Variants in ANGPTL3 observed in about 807,000 individuals in gnomAD.
ANGPTL3 encodes angiopoietin like 3, also known as angiopoietin-related protein 3.
ANGPTL3 carries 51 observed loss-of-function variants against 52.7 expected under a neutral mutation model. The observed-to-expected ratio is 0.97, with a 90% CI of 0.77 to 1.22. The LOEUF is 1.22. Among genes scored for constraint, ANGPTL3 ranks in the 50% most tolerant of loss-of-function variants. ANGPTL3 has a pLI of 0.00. For synonymous variants in ANGPTL3, 185 were observed against 179.8 expected, an observed-to-expected ratio of 1.03 and a Z score of -0.23; for missense variants, 506 against 520.7, an observed-to-expected ratio of 0.97 and a Z score of 0.27.
In ANGPTL3 at chr1:62,597,868, G is replaced by C; in HGVS notation, c.302G>C (p.Arg101Thr). The change falls in exon 1 of 7, where the codon AGA becomes ACA. Residue 101 changes from arginine to threonine, a missense_variant. By Grantham distance (71) the Arg-to-Thr change is moderately conservative. Transcript: ENST00000371129. ...EIKEEEKELR[R>T]TTYKLQVKNE... ...AAAGAAGAAGAAAAGGAACTGAGAA[G>C]AACTACATATAAACTACAAGTCAAA... 9 of 1,593,972 alleles carry C rather than the reference G, an allele frequency of 5.6e-6. No individual in the cohort carries two copies. The highest frequency in any genetic ancestry group is 7.7e-6 in the Non-Finnish European group (9 of 1,172,148).
rs1650163120 is a variant in ANGPTL3, at chr1:62,601,816, AGTGGC to A, written c.770_774del (p.Ser257AsnfsTer17). On this transcript the variant is annotated frameshift_variant, in exon 4 of 7. Transcript: ENST00000371129. LOFTEE classifies it high-confidence loss of function. Reference sequence around the variant, plus strand: ...CATTTATAACAGAGGTGAACATACAAGTGGCATGTATGCCATCAGACCCAGCAACT... The same window carrying A: ...CATTTATAACAGAGGTGAACATACAAATGTATGCCATCAGACCCAGCAACT... The A allele has an allele frequency of 6.2e-7, 1 of 1,610,216 alleles. No individual in the cohort carries two copies. The highest frequency in any genetic ancestry group is 1.3e-5 in the African/African-American group (1 of 74,776).
chr1:62,604,639 G>A lies in ANGPTL3; in HGVS notation c.1205G>A (p.Trp402Ter), dbSNP rs1650688956. The A allele has an allele frequency of 1.2e-6, 2 of 1,613,084 alleles. No individual in the cohort carries two copies. Among genetic ancestry groups the A allele is most frequent in the Non-Finnish European group, 1.7e-6 (2 of 1,179,260 alleles). ...GCATATCTATCTCCTTTAGGAGGCT[G>A]GTGGTGGCATGATGAGTGTGGAGAA... ...FNCPEGYSGG[W>*]WWHDECGENN... Residue 402 changes from tryptophan to a stop codon, truncating the protein, a stop_gained, in exon 7 of 7, where the codon TGG (tryptophan) becomes TAG (stop). Coordinates refer to ENST00000371129, the MANE Select transcript of ANGPTL3 (RefSeq NM_014495.4). LOFTEE classifies it high-confidence loss of function.
In ANGPTL3 at chr1:62,604,700, A is replaced by C. The variant is rs1206728389; in HGVS notation, c.1266A>C (p.Ala422=). The change falls in exon 7 of 7, where the codon GCA becomes GCC. Residue 422 remains alanine, a synonymous_variant. Coordinates refer to ENST00000371129, the MANE Select transcript of ANGPTL3 (RefSeq NM_014495.4). ...ATGGTAAATATAACAAACCAAGAGC[A>C]AAATCTAAGCCAGAGAGGAGAAGAG... ...NLNGKYNKPR[A]KSKPERRRGL... The C allele has an allele frequency of 1.2e-6, 2 of 1,613,262 alleles. No individual in the cohort carries two copies. Among genetic ancestry groups the C allele is most frequent in the African/African-American group, 2.7e-5 (2 of 74,902 alleles).
intron 5 of ANGPTL3, among the ~76,000 whole-genome samples, chr1:62,602,759 G>A (rs1476056258): frequency 1.3e-5 from 2 of 151,288 alleles, no homozygotes; most frequent in African/African-American, 4.8e-5. Context: ...TCTCATTAAC[G>A]TTTTACATAT....
chr1:62,604,988 T>A lies in ANGPTL3; in HGVS notation c.*171T>A. 1.6e-6 allele frequency: 1 copy of A among 643,866 alleles called. No individual in the cohort carries two copies. Among genetic ancestry groups the A allele is most frequent in the Non-Finnish European group, 2.6e-6 (1 of 382,320 alleles). The allele number at this position is 643,866 out of a possible 1,614,324, so 39.9% of individuals were successfully genotyped here. On this transcript the variant is annotated 3_prime_UTR_variant, in exon 7 of 7. Coordinates refer to ENST00000371129, the MANE Select transcript of ANGPTL3 (RefSeq NM_014495.4). ...CATACAATCACATAACCTTAAAGAA[T>A]ACCGTTTACATTTCTCAATCAAAAT...
chr1:62,602,465 AAGT>A, intron 5 of ANGPTL3, 85 bp downstream of exon 5: 1 of 1,198,628 alleles, frequency 8.3e-7, no homozygotes, highest in East Asian at 2.3e-5. Context: ...GTATTAGGAA[AAGT>A]AGTAACGAAC....
chr1:62,600,581 G>T (rs1286787455), intron 2 of ANGPTL3, among the ~76,000 whole-genome samples: 1 of 151,506 alleles, frequency 6.6e-6, no homozygotes, highest in Non-Finnish European at 1.5e-5. Context: ...TATATAGAAA[G>T]TAAGCAAACA....
At position 62,598,724 on chromosome 1, in the gene ANGPTL3, T is replaced by C. The variant is rs201752007; in HGVS notation, c.524T>C (p.Ile175Thr). The change falls in exon 2 of 7, where the codon ATC becomes ACC. Residue 175 changes from isoleucine (I) to threonine (T), a missense_variant. Transcript: ENST00000371129. ...KTFVEKQDNS[I>T]KDLLQTVEDQ... Reference sequence around the variant, plus strand: ...TTTGTAGAAAAACAAGATAATAGCATCAAAGACCTTCTCCAGACCGTGGAA... The same window carrying C: ...TTTGTAGAAAAACAAGATAATAGCACCAAAGACCTTCTCCAGACCGTGGAA... The C allele has an allele frequency of 1.3e-5, 21 of 1,610,708 alleles. No homozygotes were observed. The highest frequency in any genetic ancestry group is 1.7e-5 in the Non-Finnish European group (20 of 1,177,482).
rs1193902104 is a variant in ANGPTL3, at chr1:62,603,374, G to A, written c.932-595G>A. 4.6e-5 allele frequency among the ~76,000 whole-genome samples: 7 copies of A among 151,708 alleles called. No individual in the cohort carries two copies. The East Asian group carries it at 1.4e-3, about 29-fold the overall frequency. On this transcript the variant is annotated intron_variant, in intron 5 of 6. Transcript: ENST00000371129. Reference sequence around the variant, plus strand: ...GATGAAGAACAATCTATTTATATTTGTTATTTGTTTTTAATTCCAATAAAA... The same window carrying A: ...GATGAAGAACAATCTATTTATATTTATTATTTGTTTTTAATTCCAATAAAA...
At position 62,604,770 on chromosome 1, in the gene ANGPTL3, T is replaced by C. The variant is rs771131159; in HGVS notation, c.1336T>C (p.Ser446Pro). The C allele has an allele frequency of 1.2e-5, 19 of 1,612,838 alleles. No homozygotes were observed. Among genetic ancestry groups the C allele is most frequent in the Non-Finnish European group, 1.4e-5 (17 of 1,179,256 alleles). ...AAATGGAAGGTTATACTCTATAAAA[T>C]CAACCAAAATGTTGATCCATCCAAC... ...SQNGRLYSIK[S>P]TKMLIHPTDS... Residue 446 changes from serine to proline, a missense_variant, in exon 7 of 7, where the codon TCA becomes CCA. Coordinates refer to ENST00000371129, the MANE Select transcript of ANGPTL3 (RefSeq NM_014495.4).
intron 2 of ANGPTL3, among the ~76,000 whole-genome samples, chr1:62,600,362 C>A (rs1050023792): frequency 4.0e-5 from 6 of 151,692 alleles, no homozygotes; most frequent in South Asian, 4.1e-4. Flanking sequence ...TAATACCCAG[C>A]AAGCAAACTT....
chr1:62,597,731 TG>T lies in ANGPTL3; in HGVS notation c.167del (p.Gly56ValfsTer44). The T allele has an allele frequency of 1.2e-6, 2 of 1,613,618 alleles. No homozygotes were observed. Among genetic ancestry groups the T allele is most frequent in the Non-Finnish European group, 1.7e-6 (2 of 1,179,730 alleles). The part of the protein sequence containing the change: ...LANGLLQLGH[G>X]LKDFVHKTKG... ...CCAATGGCCTCCTTCAGTTGGGACA[TG>T]GTCTTAAAGACTTTGTCCATAAGAC... On this transcript the variant is annotated frameshift_variant, in exon 1 of 7. Transcript: ENST00000371129. LOFTEE classifies it high-confidence loss of function.
At chr1:62,604,457 GATTA>G in intron 6 of ANGPTL3, 172 bp from the exon 7 acceptor site, 1 of 897,318 alleles carries the variant, frequency 1.1e-6, no homozygotes, top group East Asian at 2.6e-5. Flanking sequence ...GTAGTGTATA[GATTA>G]TTTATACAGA....
Position 62,604,113 on chromosome 1 carries a change from C to T in ANGPTL3, c.1076C>T (p.Thr359Met), listed in dbSNP as rs201014770. ...TTGGGAAATCACGAAACCAACTATA[C>T]GCTACATCTAGTTGCGATTACTGGC... ...FYLGNHETNY[T>M]LHLVAITGNV... The change falls in exon 6 of 7, where the codon ACG becomes ATG. Residue 359 changes from threonine (T) to methionine (M), a missense_variant. Physicochemically the swap from Thr to Met is moderately conservative, Grantham distance 81. Transcript: ENST00000371129. The T allele has an allele frequency of 2.9e-5, 46 of 1,613,274 alleles. No homozygotes were observed. The East Asian group carries it at 7.1e-4, about 25-fold the overall frequency.
chr1:62,604,723 G>C lies in ANGPTL3; in HGVS notation c.1289G>C (p.Arg430Thr), dbSNP rs1477295517. The part of the protein sequence containing the change: ...PRAKSKPERR[R>T]GLSWKSQNGR... The stretch of plus-strand genomic sequence containing the variant: ...GCAAAATCTAAGCCAGAGAGGAGAA[G>C]AGGATTATCTTGGAAGTCTCAAAAT... Residue 430 changes from arginine (R) to threonine (T), a missense_variant, in exon 7 of 7, where the codon AGA (arginine) becomes ACA (threonine). Arg to Thr is a moderately conservative substitution (Grantham distance 71). Transcript: ENST00000371129. 6.2e-7 allele frequency: 1 copy of C among 1,613,200 alleles called. No individual in the cohort carries two copies. Among genetic ancestry groups the C allele is most frequent in the Non-Finnish European group, 8.5e-7 (1 of 1,179,396 alleles).
Position 62,597,937 on chromosome 1 carries a change from T to A in ANGPTL3, c.371T>A (p.Leu124His), listed in dbSNP as rs777106117. 1.3e-6 allele frequency: 2 copies of A among 1,549,976 alleles called. No homozygotes were observed. Among genetic ancestry groups the A allele is most frequent in the Non-Finnish European group, 1.7e-6 (2 of 1,156,254 alleles). Residue 124 changes from leucine to histidine, a missense_variant, in exon 1 of 7, where the codon CTT (leucine) becomes CAT (histidine). By Grantham distance (99) the Leu-to-His change is moderately conservative. Transcript: ENST00000371129. ...ATGTCACTTGAACTCAACTCAAAAC[T>A]TGAAAGCCTCCTAGAAGAAAAAATT... is the stretch of plus-strand genomic sequence containing the variant. Reference protein sequence around the residue: ...KNMSLELNSKLESLLEEKILL... With the variant: ...KNMSLELNSKHESLLEEKILL...
intron 4 of ANGPTL3, 66 bp from the exon 5 acceptor site, chr1:62,602,219 A>C: frequency 7.8e-7 from 1 of 1,286,388 alleles, no homozygotes. Flanking sequence ...AACAAACAAA[A>C]AAGTGTTATT....
At chr1:62,600,974 A>G (rs1650028927) in intron 2 of ANGPTL3, 108 bp from the exon 3 acceptor site, 1 of 720,344 alleles carries the variant, frequency 1.4e-6, no homozygotes, top group Non-Finnish European at 2.5e-6. Context: ...ACACCGTTAT[A>G]ACATTATGAA....
chr1:62,597,936 C>T lies in ANGPTL3; in HGVS notation c.370C>T (p.Leu124Phe). ...KNMSLELNSKLESLLEEKILL... is the reference protein window; with the variant it reads ...KNMSLELNSKFESLLEEKILL... ...TATGTCACTTGAACTCAACTCAAAA[C>T]TTGAAAGCCTCCTAGAAGAAAAAAT... The change falls in exon 1 of 7, where the codon CTT becomes TTT. Residue 124 changes from leucine (L) to phenylalanine (F), a missense_variant. By Grantham distance (22) the Leu-to-Phe change is conservative (BLOSUM62 0). Transcript: ENST00000371129. The T allele has an allele frequency of 6.5e-7, 1 of 1,549,826 alleles. No homozygotes were observed. The highest frequency in any genetic ancestry group is 1.3e-5 in the South Asian group (1 of 78,474).
Sources: allele counts gnomAD v4.1 joint callset (sites outside exome capture counted in the v4.1 genomes callset), GRCh38; gene constraint gnomAD v4.1.1; transcripts MANE v1.5; gene names NCBI Gene and HGNC (gene_info 2026-07-23, HGNC 2026-07-21).